Variants in GRIN3A observed in about 807,000 individuals in gnomAD.
The protein encoded by GRIN3A is glutamate ionotropic receptor NMDA type subunit 3A, also known as glutamate receptor ionotropic, NMDA 3A.
A neutral mutation model predicts 92.4 loss-of-function variants in GRIN3A; 47 were observed. The ratio of observed to expected loss-of-function variants is 0.51; its 90% confidence interval spans 0.40 to 0.65. The LOEUF (loss-of-function observed/expected upper bound fraction) is 0.65, where lower values mean the gene tolerates loss of function less well. Among genes scored for constraint, GRIN3A ranks in the 30% least tolerant of loss-of-function variants. The pLI is 0.00. For synonymous variants in GRIN3A, 527 were observed against 540.6 expected, an observed-to-expected ratio of 0.97 and a Z score of 0.35; for missense variants, 1,324 against 1,393.1, an observed-to-expected ratio of 0.95 and a Z score of 0.79.
At position 101,573,408 on chromosome 9, in the gene GRIN3A, C is replaced by T. The variant is rs16920497; in HGVS notation, c.3114G>A (p.Leu1038=). The change falls in exon 9 of 9, where the codon CTG becomes CTA. Residue 1038 remains leucine (L), a synonymous_variant. Transcript: ENST00000361820. ...IFSDEEGQNQ[L]GIRIHQDIPL... ...GGATGTCCTGGTGGATCCGGATGCC[C>T]AGCTGGTTTTGTCCTTCCTCATCAC... 0.073 allele frequency: 117,683 copies of T among 1,613,912 alleles called. 4,587 individuals carry two copies. Among genetic ancestry groups the T allele is most frequent in the Admixed American group, 0.11 (6,889 of 59,990 alleles).
intron 1 of GRIN3A, among the ~76,000 whole-genome samples, chr9:101,721,595 C>T (rs868738812): frequency 2.0e-5 from 3 of 151,990 alleles, no homozygotes; most frequent in East Asian, 1.9e-4. Flanking sequence ...TGAAAGGCTT[C>T]GACAAAAATT....
intron 3 of GRIN3A, among the ~76,000 whole-genome samples, chr9:101,640,424 T>C (rs1828841047): frequency 6.6e-6 from 1 of 152,166 alleles, no homozygotes; most frequent in African/African-American, 2.4e-5. Flanking sequence ...AAAAAACACA[T>C]GGAATGATTT....
chr9:101,707,146 T>C (rs999877021), intron 1 of GRIN3A, among the ~76,000 whole-genome samples: 1 of 152,212 alleles, frequency 6.6e-6, no homozygotes, highest in Non-Finnish European at 1.5e-5. Context: ...AAAAATGTAG[T>C]GCAAAATTTC....
intron 1 of GRIN3A, among the ~76,000 whole-genome samples, chr9:101,714,532 C>T (rs1399707821): frequency 6.6e-6 from 1 of 152,044 alleles, no homozygotes; most frequent in African/African-American, 2.4e-5. Context: ...CTCTTTTATT[C>T]CTATTGTCCC....
intron 1 of GRIN3A, among the ~76,000 whole-genome samples, chr9:101,696,082 T>C (rs1829680385): frequency 6.6e-6 from 1 of 152,188 alleles, no homozygotes; most frequent in Admixed American, 6.5e-5. Context: ...GACTATCTCA[T>C]AGGCGAAATA....
intron 3 of GRIN3A, among the ~76,000 whole-genome samples, chr9:101,663,286 A>G (rs943638541): frequency 9.9e-5 from 15 of 151,942 alleles, no homozygotes; most frequent in Admixed American, 2.6e-4. Flanking sequence ...GTAATTTAGC[A>G]TGGCTTAAAT....
chr9:101,661,736 A>C (rs1381200460), intron 3 of GRIN3A, among the ~76,000 whole-genome samples: 1 of 151,812 alleles, frequency 6.6e-6, no homozygotes, highest in Non-Finnish European at 1.5e-5. Context: ...AGTGAAAGTC[A>C]AGGGCGAAAG....
Position 101,572,618 on chromosome 9 carries a change from C to T in GRIN3A, c.*556G>A, listed in dbSNP as rs1311048591. On this transcript the variant is annotated 3_prime_UTR_variant, in exon 9 of 9. Transcript: ENST00000361820. ...TGGCTCTTGCCTGGTCCAATCAATC[C>T]TTGACGTTTATGATACTAATGAGTT... 1 of 163,176 alleles carries T rather than the reference C, an allele frequency of 6.1e-6. No individual in the cohort carries two copies. The highest frequency in any genetic ancestry group is 1.4e-5 in the Non-Finnish European group (1 of 73,380). The allele number at this position is 163,176 out of a possible 1,614,324, so 10.1% of individuals were successfully genotyped here.
intron 1 of GRIN3A, among the ~76,000 whole-genome samples, chr9:101,694,808 C>T (rs1307446759): frequency 6.6e-6 from 1 of 152,098 alleles, no homozygotes; most frequent in Non-Finnish European, 1.5e-5. Context: ...GATGTTCCAA[C>T]ATGGGGAAGG....
chr9:101,680,703 G>C (rs1016662250), intron 2 of GRIN3A, among the ~76,000 whole-genome samples: 1 of 152,108 alleles, frequency 6.6e-6, no homozygotes, highest in Non-Finnish European at 1.5e-5. Flanking sequence ...GAACAGAAGG[G>C]GGTTGCTAGC....
chr9:101,639,392 C>T (rs538181613), intron 3 of GRIN3A, among the ~76,000 whole-genome samples: 45 of 152,130 alleles, frequency 3.0e-4, no homozygotes, highest in African/African-American at 9.6e-4. Flanking sequence ...AGAATAACCC[C>T]GGCTTTTTGT....
intron 1 of GRIN3A, among the ~76,000 whole-genome samples, chr9:101,697,941 A>G (rs974726323): frequency 6.6e-6 from 1 of 152,178 alleles, no homozygotes; most frequent in Non-Finnish European, 1.5e-5. Flanking sequence ...TAAAGGAAAG[A>G]TTCTGGCTTA....
At position 101,628,399 on chromosome 9, in the gene GRIN3A, T is replaced by C; in HGVS notation, c.2355A>G (p.Leu785=). Residue 785 remains leucine, a splice_region_variant and synonymous_variant, in exon 4 of 9, where the codon TTA becomes TTG. Transcript: ENST00000361820. ...AGCGGAATCCTTGGGAAGGATGATG[T>C]AACTATGAGGGAGAAAAAGAAATGG... ...EELSGIHDPK[L]HHPSQGFRFG... is the part of the protein sequence containing the mutation. The C allele has an allele frequency of 6.2e-7, 1 of 1,613,512 alleles. No individual in the cohort carries two copies. Among genetic ancestry groups the C allele is most frequent in the Non-Finnish European group, 8.5e-7 (1 of 1,179,538 alleles).
chr9:101,716,704 C>T lies in GRIN3A; in HGVS notation c.699+20577G>A, dbSNP rs7846854. ...TCCATTACTCAGCCAGGCAGTGAGGCGTTTCTGGCTAATACTTGTCTGCTT... is the reference window on the plus strand; with the variant it reads ...TCCATTACTCAGCCAGGCAGTGAGGTGTTTCTGGCTAATACTTGTCTGCTT... On this transcript the variant is annotated intron_variant, in intron 1 of 8. Transcript: ENST00000361820. 8.3e-3 allele frequency among the ~76,000 whole-genome samples: 1,257 copies of T among 152,274 alleles called. 19 individuals are homozygous for T. Among genetic ancestry groups the T allele is most frequent in the African/African-American group, 0.029 (1,188 of 41,556 alleles).
In GRIN3A at chr9:101,670,496, C is replaced by T; in HGVS notation, c.1916G>A (p.Ser639Asn). The change falls in exon 3 of 9, where the codon AGC (serine) becomes AAC (asparagine). Residue 639 changes from serine to asparagine, a missense_variant. Ser to Asn is a conservative substitution (Grantham distance 46). Coordinates refer to ENST00000361820, the MANE Select transcript of GRIN3A (RefSeq NM_133445.3). ...AGGGCTGGTGAAATCTATCACCTGG[C>T]TCCGTGCAGTATTGATGCTAAAGGA... ...VTSFSINTAR[S>N]QVIDFTSPFF... 6.2e-7 allele frequency: 1 copy of T among 1,613,980 alleles called. No individual in the cohort carries two copies. Among genetic ancestry groups the T allele is most frequent in the South Asian group, 1.1e-5 (1 of 91,074 alleles).
At chr9:101,617,571 CT>C (rs1252321252) in intron 5 of GRIN3A, among the ~76,000 whole-genome samples, 2 of 151,946 alleles carry the variant, frequency 1.3e-5, no homozygotes, top group African/African-American at 4.8e-5. Context: ...TTTAAAATTT[CT>C]GTTTAAATAC....
At chr9:101,681,492 T>A (rs1829465221) in intron 2 of GRIN3A, among the ~76,000 whole-genome samples, 1 of 152,220 alleles carries the variant, frequency 6.6e-6, no homozygotes, top group African/African-American at 2.4e-5. Context: ...ATCCTTTTCA[T>A]ATGCAATTAA....
chr9:101,621,066 C>G (rs1480281372), intron 5 of GRIN3A, among the ~76,000 whole-genome samples: 1 of 152,078 alleles, frequency 6.6e-6, no homozygotes, highest in Non-Finnish European at 1.5e-5. Flanking sequence ...GGGAGGATCA[C>G]TTGAGGCCAG....
At chr9:101,693,876 A>C (rs1464323639) in intron 1 of GRIN3A, among the ~76,000 whole-genome samples, 1 of 152,170 alleles carries the variant, frequency 6.6e-6, no homozygotes, top group Non-Finnish European at 1.5e-5. Context: ...AGCTCACCTA[A>C]AGTTTTCATT....
Sources: gnomAD v4.1 joint callset for allele counts (sites outside exome capture counted in the v4.1 genomes callset) on GRCh38, gnomAD v4.1.1 for gene constraint, MANE v1.5 for transcripts, NCBI Gene and HGNC (gene_info 2026-07-23, HGNC 2026-07-21) for gene names.